ASB2: variants seen among roughly 807,000 people sequenced by gnomAD.
ASB2 encodes ankyrin repeat and SOCS box protein 2.
Under a neutral mutation model 62.4 loss-of-function variants are expected in ASB2, and 58 were observed. That is an observed-to-expected ratio of 0.93 (90% CI 0.75 to 1.16). ASB2 has a LOEUF of 1.16. ASB2 is among the 50% of genes most tolerant of loss of function. The probability of loss-of-function intolerance (pLI) is 0.00; values close to 1 mark genes in which losing one functional copy is unlikely to be tolerated. For synonymous variants in ASB2, 386 were observed against 385.3 expected (o/e 1.00, Z -0.02); for missense variants, 928 against 887.9 (o/e 1.05, Z -0.57).
At position 93,934,425 on chromosome 14, in the gene ASB2, T is replaced by C. The variant is rs1360327657; in HGVS notation, c.*231A>G. 2 of 546,150 alleles carry C rather than the reference T, an allele frequency of 3.7e-6. No homozygotes were observed. Among genetic ancestry groups the C allele is most frequent in the African/African-American group, 3.8e-5 (2 of 52,640 alleles). The allele number at this position is 546,150 out of a possible 1,614,324, so 33.8% of individuals were successfully genotyped here. On this transcript the variant is annotated 3_prime_UTR_variant, in exon 10 of 10. Coordinates refer to ENST00000555019, the MANE Select transcript of ASB2 (RefSeq NM_001202429.2). ...CTGAAGGTAGAGAAGGTCTGGGATCTGCTCATCAGTTTGTAAACAAATGAT... is the reference window on the plus strand; with the variant it reads ...CTGAAGGTAGAGAAGGTCTGGGATCCGCTCATCAGTTTGTAAACAAATGAT...
intron 1 of ASB2, among the ~76,000 whole-genome samples, chr14:93,970,638 G>A (rs1430633021): frequency 1.3e-5 from 2 of 152,158 alleles, no homozygotes; most frequent in African/African-American, 4.8e-5. Flanking sequence ...GGACAGACGG[G>A]TGAATGAACG....
chr14:93,941,597 T>C (rs746874400), intron 7 of ASB2: 2 of 455,658 alleles, frequency 4.4e-6, no homozygotes, highest in Admixed American at 2.4e-5. Context: ...GCAGAGGTGC[T>C]GGTCAAAGGC....
chr14:93,965,230 G>T (rs918303358), intron 1 of ASB2, among the ~76,000 whole-genome samples: 3 of 152,136 alleles, frequency 2.0e-5, no homozygotes, highest in Admixed American at 2.0e-4. Flanking sequence ...ATGCTCACTT[G>T]TTGAGCACCC....
rs750518369 is a variant in ASB2, at chr14:93,954,503, G to T, written c.312-20C>A. 1 of 1,613,350 alleles carries T rather than the reference G, an allele frequency of 6.2e-7. No homozygotes were observed. Among genetic ancestry groups the T allele is most frequent in the African/African-American group, 1.3e-5 (1 of 74,932 alleles). ...GCAGGCCTGTGAGAGGAAGGAGTGGGTCAGTCCTCAAGGTCAGGCCAAGGC... is the reference window on the plus strand; with the variant it reads ...GCAGGCCTGTGAGAGGAAGGAGTGGTTCAGTCCTCAAGGTCAGGCCAAGGC... On this transcript the variant is annotated intron_variant, in intron 3 of 9. Transcript: ENST00000555019.
chr14:93,939,766 T>C, intron 7 of ASB2, 94 bp from the exon 8 acceptor site: 1 of 1,053,574 alleles, frequency 9.5e-7, no homozygotes. Context: ...GGCGCCAGGC[T>C]CGGCTGGTCG....
chr14:93,961,597 G>T (rs142788816), intron 2 of ASB2, among the ~76,000 whole-genome samples: 226 of 152,364 alleles, frequency 1.5e-3, no homozygotes, highest in Non-Finnish European at 3.0e-3. Flanking sequence ...GGCTGAGGAG[G>T]TGATGCTTAA....
chr14:93,955,565 A>G, intron 3 of ASB2: 1 of 174,948 alleles, frequency 5.7e-6, no homozygotes, highest in Non-Finnish European at 1.2e-5. Flanking sequence ...GAGTGTCTCC[A>G]AAGGGACCCC....
At chr14:93,974,284 C>T (rs537302431) in intron 1 of ASB2, among the ~76,000 whole-genome samples, 1 of 152,322 alleles carries the variant, frequency 6.6e-6, no homozygotes, top group Non-Finnish European at 1.5e-5. Context: ...TTCAGCACCA[C>T]CTCCCCAAAA....
At chr14:93,957,760 G>A (rs765732554) in intron 2 of ASB2, among the ~76,000 whole-genome samples, 2 of 152,184 alleles carry the variant, frequency 1.3e-5, no homozygotes, top group African/African-American at 2.4e-5. Context: ...TGGAAGAGCC[G>A]GAAGGAGGTG....
intron 5 of ASB2, among the ~76,000 whole-genome samples, chr14:93,952,711 T>A (rs956652710): frequency 1.1e-4 from 17 of 152,216 alleles, no homozygotes; most frequent in African/African-American, 3.9e-4. Context: ...TGAAAGGGGA[T>A]ACCAGCAGTG....
At chr14:93,976,250 G>T (rs964081046) in intron 1 of ASB2, among the ~76,000 whole-genome samples, 184 bp downstream of exon 1, 1 of 152,184 alleles carries the variant, frequency 6.6e-6, no homozygotes, top group South Asian at 2.1e-4. Context: ...CTGAGTCTCT[G>T]TTCATTGCAT....
intron 3 of ASB2, chr14:93,955,037 T>A (rs1339195023): frequency 6.6e-6 from 3 of 456,808 alleles, no homozygotes; most frequent in Non-Finnish European, 1.3e-5. Context: ...CGTTCCTTGC[T>A]TGGCTTGTTA....
intron 8 of ASB2, among the ~76,000 whole-genome samples, chr14:93,938,184 A>AT (rs1447539788): frequency 1.3e-5 from 2 of 151,840 alleles, no homozygotes; most frequent in Non-Finnish European, 2.9e-5. Flanking sequence ...AACCATTAAA[A>AT]CAATGAGCTC....
chr14:93,942,290 C>G, intron 7 of ASB2: 3 of 456,050 alleles, frequency 6.6e-6, no homozygotes, highest in Non-Finnish European at 1.3e-5. Flanking sequence ...CCGTAGGTGT[C>G]TGGAAGAATG....
At chr14:93,952,972 G>C (rs1454260777) in intron 5 of ASB2, among the ~76,000 whole-genome samples, 1 of 152,198 alleles carries the variant, frequency 6.6e-6, no homozygotes, top group Non-Finnish European at 1.5e-5. Context: ...CCGCTGCTTG[G>C]CCAGCAGGTG....
chr14:93,941,365 A>G, intron 7 of ASB2: 1 of 308,940 alleles, frequency 3.2e-6, no homozygotes, highest in Non-Finnish European at 6.3e-6. Context: ...AGGTGCCACC[A>G]GGCCCATTCC....
chr14:93,956,824 A>G lies in ASB2; in HGVS notation c.253T>C (p.Leu85=), dbSNP rs1359215782. 2.5e-6 allele frequency: 4 copies of G among 1,614,098 alleles called. No homozygotes were observed. Among genetic ancestry groups the G allele is most frequent in the Middle Eastern group, 1.6e-4 (1 of 6,084 alleles). The stretch of plus-strand genomic sequence containing the variant: ...TATTTCTGCATGACCCCTTGGAACA[A>G]GCCCATTGGGGCCCGGGCCGGCGAA... ...ESSPARAPMG[L]FQGVMQKYSS... Residue 85 remains leucine, a synonymous_variant, in exon 3 of 10, where the codon TTG becomes CTG. Transcript: ENST00000555019.
intron 4 of ASB2, 22 bp downstream of exon 4, chr14:93,954,295 A>G: frequency 6.2e-7 from 1 of 1,605,306 alleles, no homozygotes; most frequent in South Asian, 1.1e-5. Context: ...ACCTCTTGCC[A>G]CCGTCAGAGC....
chr14:93,970,732 C>A (rs1488133268), intron 1 of ASB2, among the ~76,000 whole-genome samples: 2 of 152,098 alleles, frequency 1.3e-5, no homozygotes, highest in Non-Finnish European at 2.9e-5. Flanking sequence ...GGTGGCACGG[C>A]CCGAGTGCCC....
Sources: allele counts gnomAD v4.1 joint callset (sites outside exome capture counted in the v4.1 genomes callset), GRCh38; gene constraint gnomAD v4.1.1; transcripts MANE v1.5; gene names NCBI Gene and HGNC (gene_info 2026-07-23, HGNC 2026-07-21).